Variants in KIAA1217 observed in about 807,000 individuals in gnomAD.
KIAA1217 encodes sickle tail protein homolog.
In KIAA1217, 88 loss-of-function variants were observed where a neutral mutation model predicts 163.9. The observed-to-expected ratio is 0.54, with a 90% CI of 0.45 to 0.64. KIAA1217 has a LOEUF of 0.64. Ranked by LOEUF, KIAA1217 falls within the 30% of genes least tolerant of loss-of-function variation. The pLI is 0.00. For missense variants in KIAA1217, 2,372 were observed against 2,475.0 expected (o/e 0.96, Z 0.88); for synonymous variants, 903 against 923.1 (o/e 0.98, Z 0.39).
At chr10:24,511,645 C>CT (rs1483805047) in intron 9 of KIAA1217, among the ~76,000 whole-genome samples, 1 of 151,928 alleles carries the variant, frequency 6.6e-6, no homozygotes, top group Non-Finnish European at 1.5e-5. Context: ...GAAACTCCAT[C>CT]TCAAAAAAAA....
Position 23,936,590 on chromosome 10 carries a change from T to C in KIAA1217, c.-320-70635T>C, listed in dbSNP as rs368611564. Among the ~76,000 whole-genome samples, 6 of 151,918 alleles carry C rather than the reference T, an allele frequency of 3.9e-5. No individual in the cohort carries two copies. The East Asian group carries it at 7.7e-4, about 20-fold the overall frequency. On this transcript the variant is annotated intron_variant, in intron 1 of 18. Transcript: ENST00000376462. The stretch of plus-strand genomic sequence containing the variant: ...AAGAAGGCTGTGTAATGCTAGAGGC[T>C]GAGATTAGAGTGACGCCTGTAAAGC...
At chr10:24,192,246 G>A (rs184802388) in intron 2 of KIAA1217, among the ~76,000 whole-genome samples, 118 of 152,312 alleles carry the variant, frequency 7.7e-4, no homozygotes, top group Non-Finnish European at 1.4e-3. Flanking sequence ...GGGACTCAGC[G>A]ATGATTCTTT....
At chr10:23,799,549 A>C (rs1218230393) in intron 1 of KIAA1217, among the ~76,000 whole-genome samples, 1 of 152,176 alleles carries the variant, frequency 6.6e-6, no homozygotes, top group Non-Finnish European at 1.5e-5. Context: ...AAAATGGCAA[A>C]ATGCTTCTAC....
chr10:24,135,697 C>A (rs1473141747), intron 2 of KIAA1217, among the ~76,000 whole-genome samples: 1 of 152,024 alleles, frequency 6.6e-6, no homozygotes, highest in East Asian at 1.9e-4. Context: ...TGAAACAGCA[C>A]AGACCTAGGC....
At chr10:24,508,748 G>A (rs1347899852) in intron 9 of KIAA1217, among the ~76,000 whole-genome samples, 1 of 152,156 alleles carries the variant, frequency 6.6e-6, no homozygotes, top group Non-Finnish European at 1.5e-5. Context: ...CTCAGCAACA[G>A]GGCTGGATCT....
At chr10:24,223,157 T>C (rs1280625782) in intron 2 of KIAA1217, among the ~76,000 whole-genome samples, 3 of 152,158 alleles carry the variant, frequency 2.0e-5, no homozygotes, top group African/African-American at 7.2e-5. Context: ...TCTCACCCTG[T>C]GACTTAGAAT....
intron 2 of KIAA1217, among the ~76,000 whole-genome samples, chr10:24,170,967 A>G (rs2065601263): frequency 6.6e-6 from 1 of 152,242 alleles, no homozygotes; most frequent in Non-Finnish European, 1.5e-5. Flanking sequence ...TGCTGAGTAG[A>G]AAAGCAAATT....
intron 1 of KIAA1217, among the ~76,000 whole-genome samples, chr10:23,731,698 C>T (rs772452049): frequency 3.3e-5 from 5 of 151,866 alleles, no homozygotes; most frequent in Non-Finnish European, 7.4e-5. Context: ...AGGAAAGCTT[C>T]GAGTTTCTCA....
intron 1 of KIAA1217, among the ~76,000 whole-genome samples, chr10:23,782,990 G>A (rs1835326070): frequency 6.6e-6 from 1 of 152,118 alleles, no homozygotes; most frequent in Non-Finnish European, 1.5e-5. Flanking sequence ...AATGGACTTT[G>A]TTATGTTGAA....
intron 2 of KIAA1217, among the ~76,000 whole-genome samples, chr10:24,099,845 T>A: frequency 6.6e-6 from 1 of 151,012 alleles, no homozygotes; most frequent in Admixed American, 6.6e-5. Flanking sequence ...TGGTGTTTGG[T>A]TTTTTTGTCC....
intron 1 of KIAA1217, among the ~76,000 whole-genome samples, chr10:23,969,885 C>T (rs1054777148): frequency 2.6e-5 from 4 of 152,112 alleles, no homozygotes; most frequent in Admixed American, 6.5e-5. Flanking sequence ...GGTGGGGAGG[C>T]CTCACAATCA....
chr10:24,193,801 TACACACACACACACACACACACACACAC>T (rs10562687), intron 2 of KIAA1217, among the ~76,000 whole-genome samples: 2 of 142,378 alleles, frequency 1.4e-5, no homozygotes, highest in South Asian at 4.7e-4. Context: ...CAGCGTTTTC[TACACACACACACACACACACACACACAC>T]ACACACACAC....
chr10:23,807,750 A>C (rs1836810764), intron 1 of KIAA1217, among the ~76,000 whole-genome samples: 1 of 152,240 alleles, frequency 6.6e-6, no homozygotes, highest in Non-Finnish European at 1.5e-5. Flanking sequence ...CAAGAATGGA[A>C]GGCCTCAGCT....
intron 1 of KIAA1217, among the ~76,000 whole-genome samples, chr10:23,980,429 G>C (rs917290081): frequency 1.3e-5 from 2 of 152,308 alleles, no homozygotes; most frequent in East Asian, 3.9e-4. Context: ...TGTCTGAGGA[G>C]TCCAGCCTTC....
At chr10:24,026,742 A>ATTTTTTTTTTTTTTTTTTTTGTT (rs1847957584) in intron 2 of KIAA1217, among the ~76,000 whole-genome samples, 1 of 70,094 alleles carries the variant, frequency 1.4e-5, no homozygotes, top group African/African-American at 5.9e-5. Context: ...TATTTCATTG[A>ATTTTTTTTTTTTTTTTTTTTGTT]TTTTTTTTTT....
intron 1 of KIAA1217, among the ~76,000 whole-genome samples, chr10:23,748,733 C>G (rs774520278): frequency 1.3e-5 from 2 of 152,086 alleles, no homozygotes; most frequent in Non-Finnish European, 2.9e-5. Context: ...GTTTCTTCTT[C>G]CTCTTATCCA....
At chr10:24,211,320 T>C (rs1202367081) in intron 1 of KIAA1217, among the ~76,000 whole-genome samples, 1 of 151,246 alleles carries the variant, frequency 6.6e-6, no homozygotes, top group Non-Finnish European at 1.5e-5. Flanking sequence ...ACTAGAGCTT[T>C]TATTTTGAAA....
chr10:24,495,832 T>G (rs1473223560), intron 8 of KIAA1217, among the ~76,000 whole-genome samples: 1 of 152,090 alleles, frequency 6.6e-6, no homozygotes, highest in Non-Finnish European at 1.5e-5. Flanking sequence ...AGGGCCTACT[T>G]TTTATTTTAT....
intron 2 of KIAA1217, among the ~76,000 whole-genome samples, chr10:24,356,613 G>A (rs1287407232): frequency 2.6e-5 from 4 of 152,208 alleles, no homozygotes; most frequent in African/African-American, 7.2e-5. Context: ...AGGTCATGAG[G>A]CACAACCCAC....
Sources: gnomAD v4.1 joint callset for allele counts (sites outside exome capture counted in the v4.1 genomes callset) on GRCh38, gnomAD v4.1.1 for gene constraint, MANE v1.5 for transcripts, NCBI Gene and HGNC (gene_info 2026-07-23, HGNC 2026-07-21) for gene names.